Variants in ZNF613 observed in about 807,000 individuals in gnomAD.
ZNF613 encodes zinc finger protein 613.
In ZNF613, 8 loss-of-function variants were observed where a neutral mutation model predicts 14.3. That is an observed-to-expected ratio of 0.56 (90% CI 0.33 to 1.01). The LOEUF (loss-of-function observed/expected upper bound fraction) is 1.01, where lower values mean the gene tolerates loss of function less well. Among genes scored for constraint, ZNF613 ranks in the 50% least tolerant of loss-of-function variants. The pLI is 0.03. For missense variants in ZNF613, 656 were observed against 741.9 expected (o/e 0.88, Z 1.35); for synonymous variants, 228 against 254.5 (o/e 0.90, Z 0.99).
chr19:51,936,444 G>A (rs2085305953), intron 3 of ZNF613, among the ~76,000 whole-genome samples: 1 of 152,188 alleles, frequency 6.6e-6, no homozygotes, highest in Non-Finnish European at 1.5e-5. Context: ...CTTGGTCTTT[G>A]TCTGGCATAG....
At chr19:51,943,696 G>C (rs1448442810) in intron 5 of ZNF613, among the ~76,000 whole-genome samples, 3 of 152,200 alleles carry the variant, frequency 2.0e-5, no homozygotes, top group Non-Finnish European at 2.9e-5. Context: ...ATAGGGTTAA[G>C]TATGATTCAG....
Position 51,944,625 on chromosome 19 carries a change from A to G in ZNF613, c.742A>G (p.Thr248Ala), listed in dbSNP as rs2085378860. ...AGCCTTCTCCAGAAAGTCCGGGCTC[A>G]CTGAACACCAGAGAAACCACACAGG... ...GKAFSRKSGL[T>A]EHQRNHTGEK... The change falls in exon 6 of 6, where the codon ACT becomes GCT. Residue 248 changes from threonine to alanine, a missense_variant. Physicochemically the swap from Thr to Ala is moderately conservative, Grantham distance 58. Coordinates refer to ENST00000293471, the MANE Select transcript of ZNF613 (RefSeq NM_001031721.4). The G allele has an allele frequency of 6.2e-7, 1 of 1,614,208 alleles. No individual in the cohort carries two copies. The highest frequency in any genetic ancestry group is 8.5e-7 in the Non-Finnish European group (1 of 1,180,040).
At chr19:51,938,092 C>T (rs962547638) in intron 3 of ZNF613, among the ~76,000 whole-genome samples, 1 of 151,938 alleles carries the variant, frequency 6.6e-6, no homozygotes, top group Non-Finnish European at 1.5e-5. Flanking sequence ...TCCTCAGAGA[C>T]CTTTTTGGGA....
In ZNF613 at chr19:51,945,669, G is replaced by A. The variant is rs778513948; in HGVS notation, c.1786G>A (p.Val596Ile). 8.7e-6 allele frequency: 14 copies of A among 1,613,650 alleles called. No individual in the cohort carries two copies. Among genetic ancestry groups the A allele is most frequent in the Non-Finnish European group, 1.2e-5 (14 of 1,179,976 alleles). The change falls in exon 6 of 6, where the codon GTA becomes ATA. Residue 596 changes from valine to isoleucine, a missense_variant. By Grantham distance (29) the Val-to-Ile change is conservative (BLOSUM62 3). Transcript: ENST00000293471. The part of the protein sequence containing the change: ...TNSAFQAESK[V>I]AIVSQPVARS... ...CAGTGCGTTCCAAGCAGAGAGCAAA[G>A]TAGCCATTGTGAGCCAGCCTGTTGC...
Position 51,945,825 on chromosome 19 carries a change from T to G in ZNF613, c.*88T>G. On this transcript the variant is annotated 3_prime_UTR_variant, in exon 6 of 6. Transcript: ENST00000293471. ...AAAAACACAGAGGAACAAACTGATA[T>G]ATTCAAGGTGGAAAGCCCTTGAATA... is the stretch of plus-strand genomic sequence containing the variant. 2.1e-6 allele frequency: 3 copies of G among 1,453,586 alleles called. No homozygotes were observed. Among genetic ancestry groups the G allele is most frequent in the Non-Finnish European group, 2.8e-6 (3 of 1,057,240 alleles). The allele number at this position is 1,453,586 out of a possible 1,614,324, so 90.0% of individuals were successfully genotyped here.
At chr19:51,934,726 A>T (rs2085292742) in intron 2 of ZNF613, among the ~76,000 whole-genome samples, 1 of 152,186 alleles carries the variant, frequency 6.6e-6, no homozygotes, top group Non-Finnish European at 1.5e-5. Flanking sequence ...CAGAAAGCTC[A>T]TAAGGGTCAA....
chr19:51,942,469 A>G (rs969951692), intron 5 of ZNF613, among the ~76,000 whole-genome samples: 1 of 152,208 alleles, frequency 6.6e-6, no homozygotes, highest in African/African-American at 2.4e-5. Flanking sequence ...TGTATGACAG[A>G]CATGAATACG....
chr19:51,932,149 G>C (rs2085270933), intron 2 of ZNF613, among the ~76,000 whole-genome samples: 1 of 152,068 alleles, frequency 6.6e-6, no homozygotes, highest in Admixed American at 6.6e-5. Context: ...CCCAGCGCCA[G>C]GGAATGGTGG....
At chr19:51,929,152 C>T (rs2085243664) in intron 1 of ZNF613, among the ~76,000 whole-genome samples, 1 of 152,062 alleles carries the variant, frequency 6.6e-6, no homozygotes, top group African/African-American at 2.4e-5. Context: ...GTATAATTTG[C>T]CGTATTTAAT....
intron 5 of ZNF613, among the ~76,000 whole-genome samples, chr19:51,943,410 C>A (rs2085366002): frequency 6.6e-6 from 1 of 152,210 alleles, no homozygotes; most frequent in Non-Finnish European, 1.5e-5. Flanking sequence ...GAACAGGAAT[C>A]ATTTTTTGTC....
Position 51,944,206 on chromosome 19 carries a change from C to T in ZNF613, c.323C>T (p.Ala108Val). 1 of 1,608,754 alleles carries T rather than the reference C, an allele frequency of 6.2e-7. No individual in the cohort carries two copies. The highest frequency in any genetic ancestry group is 8.5e-7 in the Non-Finnish European group (1 of 1,176,752). ...KRVEQCHKHN[A>V]FGNIIHQRKS... ...GTGGAACAATGCCATAAACATAATG[C>T]ATTTGGAAACATCATTCATCAGAGG... Residue 108 changes from alanine to valine, a missense_variant, in exon 6 of 6, where the codon GCA becomes GTA. Coordinates refer to ENST00000293471, the MANE Select transcript of ZNF613 (RefSeq NM_001031721.4).
At chr19:51,941,087 G>A (rs551611268) in intron 5 of ZNF613, among the ~76,000 whole-genome samples, 1 of 151,886 alleles carries the variant, frequency 6.6e-6, no homozygotes, top group Non-Finnish European at 1.5e-5. Context: ...CCGCCACTAC[G>A]CCCAGCTAAT....
Position 51,935,427 on chromosome 19 carries a change from C to A in ZNF613, c.-193-601C>A, listed in dbSNP as rs1405574014. On this transcript the variant is annotated intron_variant, in intron 2 of 5. Coordinates refer to ENST00000293471, the MANE Select transcript of ZNF613 (RefSeq NM_001031721.4). ...CTAAGGTCATGTTCTTGGAGACAGG[C>A]TGTGTGGGTTCAGATTCTACTTCTG... 2.6e-5 allele frequency among the ~76,000 whole-genome samples: 4 copies of A among 152,206 alleles called. No individual in the cohort carries two copies. In the South Asian group the frequency reaches 8.3e-4, roughly 31 times the overall value.
intron 5 of ZNF613, 60 bp downstream of exon 5, chr19:51,940,769 C>G (rs1814853342): frequency 7.0e-7 from 1 of 1,436,374 alleles, no homozygotes; most frequent in South Asian, 1.3e-5. Context: ...GATAGTTGTT[C>G]AGCAGTGTCT....
rs1184689753 is a variant in ZNF613 at position 51,929,777 on chromosome 19, C to G, written c.-313C>G. 1 of 152,096 alleles carries G rather than the reference C, an allele frequency of 6.6e-6. No homozygotes were observed. The highest frequency in any genetic ancestry group is 1.5e-5 in the Non-Finnish European group (1 of 68,024). 9.4% of individuals were successfully genotyped at this position (152,096 alleles called of 1,614,324 possible). On this transcript the variant is annotated 5_prime_UTR_variant, in exon 2 of 6. Transcript: ENST00000293471. Reference sequence around the variant, plus strand: ...GCCCAGGCTGATCTTGAACTCCTGACCTCAAGTGATCCTCTCTCCTTGGCC... The same window carrying G: ...GCCCAGGCTGATCTTGAACTCCTGAGCTCAAGTGATCCTCTCTCCTTGGCC...
chr19:51,944,086 C>A, intron 5 of ZNF613, 33 bp from the exon 6 acceptor site: 1 of 1,500,148 alleles, frequency 6.7e-7, no homozygotes, highest in South Asian at 1.4e-5. Context: ...ATTCCATGCT[C>A]ATGGAAAGAT....
chr19:51,930,261 G>A (rs1264119510), intron 2 of ZNF613, among the ~76,000 whole-genome samples: 1 of 151,456 alleles, frequency 6.6e-6, no homozygotes, highest in Non-Finnish European at 1.5e-5. Flanking sequence ...CTTTCACATA[G>A]CATAATTTTT....
rs745625241 is a variant in ZNF613, at chr19:51,944,608, C to T, written c.725C>T (p.Ser242Phe). ...TGCAGTATATGTGGGAAAGCCTTCT[C>T]CAGAAAGTCCGGGCTCACTGAACAC... ...HGCSICGKAF[S>F]RKSGLTEHQR... Residue 242 changes from serine (S) to phenylalanine (F), a missense_variant, in exon 6 of 6, where the codon TCC becomes TTC. Transcript: ENST00000293471. 2 of 1,614,138 alleles carry T rather than the reference C, an allele frequency of 1.2e-6. No individual in the cohort carries two copies. Among genetic ancestry groups the T allele is most frequent in the South Asian group, 2.2e-5 (2 of 91,086 alleles).
chr19:51,932,548 C>T (rs963224463), intron 2 of ZNF613, among the ~76,000 whole-genome samples: 1 of 151,960 alleles, frequency 6.6e-6, no homozygotes, highest in African/African-American at 2.4e-5. Context: ...CTGCCCGCCT[C>T]GGCCTCCCAA....
Sources: gnomAD v4.1 joint callset for allele counts (sites outside exome capture counted in the v4.1 genomes callset) on GRCh38, gnomAD v4.1.1 for gene constraint, MANE v1.5 for transcripts, NCBI Gene and HGNC (gene_info 2026-07-23, HGNC 2026-07-21) for gene names.